Variants in PTBP3 observed in about 807,000 individuals in gnomAD.
PTBP3 encodes polypyrimidine tract binding protein 3.
PTBP3 carries 20 observed loss-of-function variants against 58.7 expected under a neutral mutation model. The ratio of observed to expected loss-of-function variants is 0.34; its 90% CI spans 0.24 to 0.50. The LOEUF (loss-of-function observed/expected upper bound fraction) is 0.50. Ranked by LOEUF, PTBP3 falls within the 20% of genes least tolerant of loss-of-function variation. The probability of loss-of-function intolerance (pLI) is 0.98; values close to 1 mark genes in which losing one functional copy is unlikely to be tolerated. For synonymous variants in PTBP3, 185 were observed against 219.8 expected (o/e 0.84, Z 1.40); for missense variants, 509 against 637.2 (o/e 0.80, Z 2.17).
chr9:112,329,517 T>A lies in PTBP3; in HGVS notation c.-52+3953A>T, dbSNP rs547721256. On this transcript the variant is annotated intron_variant, in intron 1 of 13. Coordinates refer to ENST00000374257, the MANE Select transcript of PTBP3 (RefSeq NM_001163788.4). ...AATACTAATTATCCAGCTCTCTGGA[T>A]GTTTGCCTTTTAGACAGAACTCTCA... is the stretch of plus-strand genomic sequence containing the variant. Among the ~76,000 whole-genome samples, 578 of 152,366 alleles carry A rather than the reference T, an allele frequency of 3.8e-3. 3 individuals carry two copies. Among genetic ancestry groups the A allele is most frequent in the Non-Finnish European group, 5.9e-3 (398 of 68,034 alleles).
chr9:112,259,779 A>G (rs1836515049), intron 5 of PTBP3, among the ~76,000 whole-genome samples: 1 of 152,254 alleles, frequency 6.6e-6, no homozygotes, highest in African/African-American at 2.4e-5. Context: ...AGGTACAACC[A>G]ACTCCATACT....
the PTBP3 span, chr9:112,362,968 G>A: frequency 3.9e-6 from 1 of 254,292 alleles, no homozygotes; most frequent in Non-Finnish European, 7.9e-6. Flanking sequence ...GGACTTGGAA[G>A]GGCTGCTGAC....
chr9:112,249,314 C>A (rs556995519), intron 7 of PTBP3, among the ~76,000 whole-genome samples: 3 of 151,940 alleles, frequency 2.0e-5, no homozygotes, highest in Non-Finnish European at 4.4e-5. Flanking sequence ...TATATACTTA[C>A]GTGTTTTATA....
chr9:112,269,767 T>TG (rs1447903044), intron 3 of PTBP3, among the ~76,000 whole-genome samples: 1 of 152,206 alleles, frequency 6.6e-6, no homozygotes, highest in East Asian at 1.9e-4. Flanking sequence ...AAAGCATCCT[T>TG]GTAAAATGGT....
the PTBP3 span, among the ~76,000 whole-genome samples, chr9:112,360,314 C>G: frequency 0.24 from 36,968 of 151,942 alleles, 4,918 homozygotes; most frequent in East Asian, 0.36. Context: ...CTTCTAAGGA[C>G]CTGGGACTAC....
At chr9:112,289,107 A>G (rs1294592879) in intron 2 of PTBP3, among the ~76,000 whole-genome samples, 1 of 152,216 alleles carries the variant, frequency 6.6e-6, no homozygotes, top group African/African-American at 2.4e-5. Context: ...GACTAAGTAA[A>G]CAGGATGTAA....
the PTBP3 span, among the ~76,000 whole-genome samples, chr9:112,339,448 A>G: frequency 6.6e-6 from 1 of 152,156 alleles, no homozygotes; most frequent in East Asian, 1.9e-4. Flanking sequence ...TATCCTGAGG[A>G]TGAATTTCTT....
chr9:112,309,701 T>C (rs1587871436), intron 1 of PTBP3, among the ~76,000 whole-genome samples: 1 of 152,014 alleles, frequency 6.6e-6, no homozygotes, highest in Non-Finnish European at 1.5e-5. Flanking sequence ...GGCAGGGGAA[T>C]TGCTTCAACC....
chr9:112,320,290 A>AT (rs1372848981), intron 1 of PTBP3, among the ~76,000 whole-genome samples: 262 of 54,032 alleles, frequency 4.8e-3, no homozygotes, highest in African/African-American at 9.8e-3. Flanking sequence ...AAAAAAAAAA[A>AT]AATATATATA....
intron 1 of PTBP3, among the ~76,000 whole-genome samples, chr9:112,331,887 TAACTA>T (rs1057092069): frequency 6.6e-6 from 1 of 152,244 alleles, no homozygotes; most frequent in African/African-American, 2.4e-5. Flanking sequence ...CTCTTTATTA[TAACTA>T]TACATTTTAC....
At chr9:112,374,139 A>C in the PTBP3 span, among the ~76,000 whole-genome samples, 1 of 152,176 alleles carries the variant, frequency 6.6e-6, no homozygotes, top group African/African-American at 2.4e-5. Context: ...AATACTGTGG[A>C]GTAGTAGACT....
chr9:112,345,799 A>G, the PTBP3 span, among the ~76,000 whole-genome samples: 72,973 of 152,128 alleles, frequency 0.48, 17,829 homozygotes, highest in African/African-American at 0.56. Flanking sequence ...TTTGTATATC[A>G]TGAAGTCAAA....
chr9:112,341,298 A>AT, the PTBP3 span, among the ~76,000 whole-genome samples: 12 of 151,516 alleles, frequency 7.9e-5, no homozygotes. Flanking sequence ...TGCCTGGCTA[A>AT]TTTTTGTATT....
chr9:112,343,640 A>T, the PTBP3 span, among the ~76,000 whole-genome samples: 1 of 151,434 alleles, frequency 6.6e-6, no homozygotes, highest in African/African-American at 2.4e-5. Flanking sequence ...AAATACAAAA[A>T]ATTAGCTGGG....
chr9:112,229,235 T>C (rs990435151), intron 10 of PTBP3, among the ~76,000 whole-genome samples: 3 of 152,154 alleles, frequency 2.0e-5, no homozygotes, highest in Non-Finnish European at 4.4e-5. Flanking sequence ...TATATTTCAG[T>C]TTATGTGCTA....
intron 1 of PTBP3, among the ~76,000 whole-genome samples, chr9:112,304,355 A>T (rs995592592): frequency 2.6e-5 from 4 of 152,070 alleles, no homozygotes; most frequent in African/African-American, 9.7e-5. Context: ...AAAAGGAAAA[A>T]TTTTCACTGT....
At chr9:112,287,179 T>G (rs1422718496) in intron 2 of PTBP3, among the ~76,000 whole-genome samples, 1 of 65,368 alleles carries the variant, frequency 1.5e-5, no homozygotes, top group African/African-American at 9.1e-5. Context: ...TGGGTTTATG[T>G]TTTCCACATA....
the PTBP3 span, among the ~76,000 whole-genome samples, chr9:112,356,796 G>A: frequency 0.029 from 1,794 of 62,546 alleles, 43 homozygotes; most frequent in East Asian, 0.12. Flanking sequence ...TTGCGTGTGC[G>A]CACACACACA....
chr9:112,295,188 G>C (rs576161491), intron 2 of PTBP3, among the ~76,000 whole-genome samples: 40 of 150,252 alleles, frequency 2.7e-4, no homozygotes, highest in African/African-American at 9.1e-4. Flanking sequence ...ACAGTAAGCA[G>C]AGACTGCGCC....
Sources: gnomAD v4.1 joint callset for allele counts (sites outside exome capture counted in the v4.1 genomes callset) on GRCh38, gnomAD v4.1.1 for gene constraint, MANE v1.5 for transcripts, NCBI Gene and HGNC (gene_info 2026-07-23, HGNC 2026-07-21) for gene names.